The following DENND5A variants were observed in gnomAD, a reference collection of about 807,000 sequenced individuals.
DENND5A encodes the protein DENN domain-containing protein 5A.
DENND5A carries 64 observed loss-of-function variants against 140.3 expected under a neutral mutation model. The observed-to-expected ratio is 0.46, with a 90% CI of 0.37 to 0.56. The LOEUF is 0.56. Among genes scored for constraint, DENND5A ranks in the 20% least tolerant of loss-of-function variants. The pLI is 0.00. For missense variants in DENND5A, 1,292 were observed against 1,593.8 expected, an observed-to-expected ratio of 0.81 and a Z score of 3.22; for synonymous variants, 605 against 607.7, an observed-to-expected ratio of 1.00 and a Z score of 0.07.
intron 1 of DENND5A, among the ~76,000 whole-genome samples, chr11:9,263,862 A>G (rs1852324391): frequency 1.3e-5 from 2 of 151,224 alleles, no homozygotes; most frequent in Admixed American, 6.6e-5. Context: ...AAAAAAAAAA[A>G]AAAAAAAAAG....
At chr11:9,162,763 C>T (rs1848031577) in intron 11 of DENND5A, among the ~76,000 whole-genome samples, 1 of 152,024 alleles carries the variant, frequency 6.6e-6, no homozygotes, top group South Asian at 2.1e-4. Flanking sequence ...TGCAGTGGCT[C>T]GATCATGGTT....
chr11:9,154,451 T>G (rs942305629), intron 12 of DENND5A, among the ~76,000 whole-genome samples: 9 of 152,170 alleles, frequency 5.9e-5, no homozygotes, highest in African/African-American at 2.2e-4. Flanking sequence ...AATGTGAAGA[T>G]TTAAGGTCTT....
intron 13 of DENND5A, among the ~76,000 whole-genome samples, chr11:9,151,365 C>T (rs1189178354): frequency 1.3e-5 from 2 of 152,110 alleles, no homozygotes; most frequent in Non-Finnish European, 2.9e-5. Context: ...TTTTTGGCTA[C>T]AGTTTATTCC....
Position 9,213,808 on chromosome 11 carries a change from C to CAAAAAAA in DENND5A, c.110-6183_110-6177dup, listed in dbSNP as rs3074627. On this transcript the variant is annotated intron_variant, in intron 1 of 22. Coordinates refer to ENST00000328194, the MANE Select transcript of DENND5A (RefSeq NM_015213.4). ...GGTGGCTGAGCGAGACTCCGTCTCC[C>CAAAAAAA]AAAAAAAAAAGAAGAAGAAGAAGCA... Among the ~76,000 whole-genome samples, 4 of 69,626 alleles carry CAAAAAAA rather than the reference C, an allele frequency of 5.7e-5. No individual in the cohort carries two copies. The Admixed American group carries it at 6.1e-4, about 11-fold the overall frequency. 45.7% of individuals were successfully genotyped at this position (69,626 alleles called of 152,430 possible). A position where few individuals can be genotyped will look rare whatever the true frequency, so the allele number is the denominator to read the frequency against.
intron 4 of DENND5A, among the ~76,000 whole-genome samples, chr11:9,201,727 T>C (rs1313579696): frequency 6.6e-6 from 1 of 152,094 alleles, no homozygotes; most frequent in Non-Finnish European, 1.5e-5. Context: ...TTGAAATAAC[T>C]GATTCAGAAT....
At chr11:9,210,446 C>A (rs140811334) in intron 1 of DENND5A, among the ~76,000 whole-genome samples, 4 of 152,314 alleles carry the variant, frequency 2.6e-5, no homozygotes, top group African/African-American at 9.6e-5. Flanking sequence ...TCAAATCAAT[C>A]ATAACAGACT....
chr11:9,197,637 G>C (rs1223864921), intron 4 of DENND5A, among the ~76,000 whole-genome samples: 1 of 152,030 alleles, frequency 6.6e-6, no homozygotes, highest in Non-Finnish European at 1.5e-5. Context: ...AGAAGCTATA[G>C]GGGGCTGAGA....
chr11:9,207,521 T>G, intron 2 of DENND5A, 40 bp downstream of exon 2: 1 of 1,470,886 alleles, frequency 6.8e-7, no homozygotes, highest in East Asian at 2.3e-5. Flanking sequence ...TAAGAACCAT[T>G]AGAAAGCTTT....
At chr11:9,242,601 C>G (rs1384460812) in intron 1 of DENND5A, 1 of 152,172 alleles carries the variant, frequency 6.6e-6, no homozygotes, top group East Asian at 1.9e-4. Context: ...ACTCTCTGCA[C>G]TTTAGTTTCC....
intron 10 of DENND5A, among the ~76,000 whole-genome samples, 163 bp downstream of exon 10, chr11:9,169,693 G>C (rs1264564839): frequency 6.6e-6 from 1 of 152,016 alleles, no homozygotes; most frequent in Admixed American, 6.6e-5. Context: ...GATAACCCAG[G>C]CCCAGCATTA....
chr11:9,169,902 T>C lies in DENND5A; in HGVS notation c.2105A>G (p.Gln702Arg). 6.2e-7 allele frequency: 1 copy of C among 1,613,984 alleles called. No individual in the cohort carries two copies. The highest frequency in any genetic ancestry group is 1.7e-5 in the Admixed American group (1 of 60,028). ...ACGCAGGTGTTCTGTGTGCTGCTTC[T>C]GCCGATCTTTCCGCCTCCACTGGGC... ...APAQWRRKDRQKQHTEHLRLD... is the reference protein window; with the variant it reads ...APAQWRRKDRRKQHTEHLRLD... The change falls in exon 10 of 23, where the codon CAG (glutamine) becomes CGG (arginine). Residue 702 changes from glutamine (Q) to arginine (R), a missense_variant. This residue lies in a region of DENND5A where 199 missense variants were observed against 189.1 expected (regional missense o/e 1.05). Coordinates refer to ENST00000328194, the MANE Select transcript of DENND5A (RefSeq NM_015213.4).
intron 5 of DENND5A, among the ~76,000 whole-genome samples, chr11:9,184,543 G>A (rs1848842512): frequency 6.6e-6 from 1 of 152,156 alleles, no homozygotes; most frequent in Non-Finnish European, 1.5e-5. Context: ...CAAAGTGGTT[G>A]CAACAATTTA....
In DENND5A at chr11:9,165,935, G is replaced by C; in HGVS notation, c.2184C>G (p.Ser728Arg). The C allele has an allele frequency of 6.2e-7, 1 of 1,614,116 alleles. No homozygotes were observed. Among genetic ancestry groups the C allele is most frequent in the South Asian group, 1.1e-5 (1 of 91,090 alleles). ...TGGACAGTTTGGGCTGGCGGATAGT[G>C]CTGCCCATAGTCCTGGCTTCCTGGA... ...KYIQEARTMG[S>R]TIRQPKLSNL... is the part of the protein sequence containing the mutation. Residue 728 changes from serine (S) to arginine (R), a missense_variant, in exon 11 of 23, where the codon AGC becomes AGG. Ser to Arg is a moderately radical substitution (Grantham distance 110). Coordinates refer to ENST00000328194, the MANE Select transcript of DENND5A (RefSeq NM_015213.4).
intron 1 of DENND5A, among the ~76,000 whole-genome samples, chr11:9,232,248 T>A (rs1452280671): frequency 1.3e-5 from 2 of 152,112 alleles, no homozygotes; most frequent in Non-Finnish European, 2.9e-5. Context: ...TACATTACAA[T>A]TTAAAACTTT....
intron 1 of DENND5A, among the ~76,000 whole-genome samples, chr11:9,230,219 T>C (rs1850710788): frequency 7.0e-6 from 1 of 142,816 alleles, no homozygotes. Flanking sequence ...CCATTTCATG[T>C]AAAACTAATG....
chr11:9,150,836 T>A, intron 13 of DENND5A, 72 bp from the exon 14 acceptor site: 1 of 893,846 alleles, frequency 1.1e-6, no homozygotes, highest in Non-Finnish European at 1.8e-6. Context: ...TCCCTTACCT[T>A]AAATCACAAA....
At chr11:9,167,853 A>G (rs990644655) in intron 10 of DENND5A, among the ~76,000 whole-genome samples, 1 of 152,152 alleles carries the variant, frequency 6.6e-6, no homozygotes. Context: ...TAAGGCTTAA[A>G]GAGATGCTTG....
At chr11:9,159,758 C>T (rs1847919491) in intron 12 of DENND5A, among the ~76,000 whole-genome samples, 1 of 152,226 alleles carries the variant, frequency 6.6e-6, no homozygotes, top group African/African-American at 2.4e-5. Flanking sequence ...TCCAAAGTGG[C>T]TGCACCATTT....
chr11:9,188,530 C>T (rs1213807204), intron 5 of DENND5A, among the ~76,000 whole-genome samples: 1 of 152,198 alleles, frequency 6.6e-6, no homozygotes, highest in Non-Finnish European at 1.5e-5. Flanking sequence ...AAGTTTGGAA[C>T]TCCCTAGAGA....
Sources: allele counts gnomAD v4.1 joint callset (sites outside exome capture counted in the v4.1 genomes callset), GRCh38; gene constraint gnomAD v4.1.1; regional missense constraint gnomAD v4.1.1; transcripts MANE v1.5; gene names NCBI Gene and HGNC (gene_info 2026-07-23, HGNC 2026-07-21).